Variants in GRIA1 observed in about 807,000 individuals in gnomAD.
GRIA1 encodes glutamate receptor 1.
GRIA1 carries 31 observed loss-of-function variants against 99.2 expected under a neutral mutation model. That is an observed-to-expected ratio of 0.31 (90% CI 0.23 to 0.42). The LOEUF (loss-of-function observed/expected upper bound fraction) is 0.42, where lower values mean the gene tolerates loss of function less well. Ranked by LOEUF, GRIA1 falls within the 10% of genes least tolerant of loss-of-function variation. The pLI is 1.00. For missense variants in GRIA1, 782 were observed against 1,157.5 expected (o/e 0.68, Z 4.71); for synonymous variants, 438 against 432.4 (o/e 1.01, Z -0.16).
chr5:153,687,676 G>T (rs1467299170), intron 8 of GRIA1, among the ~76,000 whole-genome samples: 2 of 152,216 alleles, frequency 1.3e-5, no homozygotes, highest in Admixed American at 1.3e-4. Flanking sequence ...CAGCACAGAT[G>T]TAGAACATTT....
intron 2 of GRIA1, among the ~76,000 whole-genome samples, chr5:153,615,308 C>G (rs1766386532): frequency 6.6e-6 from 1 of 152,166 alleles, no homozygotes; most frequent in Admixed American, 6.5e-5. Flanking sequence ...TCATGGAGAG[C>G]TCATAATCCA....
At chr5:153,570,168 G>A (rs1008980707) in intron 2 of GRIA1, among the ~76,000 whole-genome samples, 2 of 152,056 alleles carry the variant, frequency 1.3e-5, no homozygotes, top group Non-Finnish European at 2.9e-5. Flanking sequence ...TGCCAAAACC[G>A]AGAGCAATAT....
At chr5:153,699,935 A>G (rs1758396122) in intron 10 of GRIA1, among the ~76,000 whole-genome samples, 1 of 152,222 alleles carries the variant, frequency 6.6e-6, no homozygotes, top group Admixed American at 6.5e-5. Flanking sequence ...AAAAGACCCC[A>G]TCTTTTAACA....
chr5:153,703,694 C>T (rs1423544305), intron 10 of GRIA1, among the ~76,000 whole-genome samples: 3 of 152,182 alleles, frequency 2.0e-5, no homozygotes, highest in East Asian at 1.9e-4. Context: ...GCCAAGATCA[C>T]ACCACTGCAC....
intron 4 of GRIA1, 56 bp downstream of exon 4, chr5:153,650,570 A>G: frequency 1.3e-6 from 2 of 1,543,604 alleles, no homozygotes; most frequent in Non-Finnish European, 1.8e-6. Context: ...AGGAATAGCC[A>G]GACACACTTT....
At chr5:153,750,074 G>T (rs1762412212) in intron 11 of GRIA1, among the ~76,000 whole-genome samples, 1 of 152,156 alleles carries the variant, frequency 6.6e-6, no homozygotes, top group South Asian at 2.1e-4. Flanking sequence ...CTCTGCCAGG[G>T]AAGAGCTGAG....
chr5:153,585,499 G>A (rs534202165), intron 2 of GRIA1, among the ~76,000 whole-genome samples: 1 of 151,844 alleles, frequency 6.6e-6, no homozygotes, highest in South Asian at 2.1e-4. Context: ...AGTAGAGACA[G>A]GGTTTCACCA....
intron 2 of GRIA1, among the ~76,000 whole-genome samples, chr5:153,553,957 G>A (rs1282112171): frequency 6.6e-6 from 1 of 152,098 alleles, no homozygotes; most frequent in Admixed American, 6.5e-5. Flanking sequence ...GTAATAAATG[G>A]GGTGCAGATT....
At chr5:153,512,502 TACA>T (rs1465980149) in intron 2 of GRIA1, among the ~76,000 whole-genome samples, 1 of 152,112 alleles carries the variant, frequency 6.6e-6, no homozygotes, top group Non-Finnish European at 1.5e-5. Flanking sequence ...GACAAGTGAG[TACA>T]ACATTTGGTC....
At position 153,600,391 on chromosome 5, in the gene GRIA1, CAAAAAAAAAAA is replaced by C. The variant is rs57395601; in HGVS notation, c.221-46522_221-46512del. Reference sequence around the variant, plus strand: ...TGGGCGACAGAGCGAGACTCCATCTCAAAAAAAAAAAAAAAAAAAAAAAAAGTATGGAGTTT... The same window carrying C: ...TGGGCGACAGAGCGAGACTCCATCTCAAAAAAAAAAAAAAGTATGGAGTTT... On this transcript the variant is annotated intron_variant, in intron 2 of 15. Transcript: ENST00000285900. Among the ~76,000 whole-genome samples, 17 of 51,504 alleles carry C rather than the reference CAAAAAAAAAAA, an allele frequency of 3.3e-4. 1 individual carries two copies. The South Asian group carries it at 0.012, about 36-fold the overall frequency. The allele number at this position is 51,504 out of a possible 152,430, so 33.8% of individuals were successfully genotyped here. A position where few individuals can be genotyped will look rare whatever the true frequency, so the allele number is the denominator to read the frequency against.
At chr5:153,721,831 G>A (rs1163547412) in intron 11 of GRIA1, among the ~76,000 whole-genome samples, 1 of 152,160 alleles carries the variant, frequency 6.6e-6, no homozygotes, top group African/African-American at 2.4e-5. Flanking sequence ...GAAGATTCTT[G>A]TAAAAGTCTT....
intron 2 of GRIA1, among the ~76,000 whole-genome samples, chr5:153,500,241 C>A (rs1263552137): frequency 6.6e-6 from 1 of 152,168 alleles, no homozygotes; most frequent in Non-Finnish European, 1.5e-5. Context: ...GATCATATAG[C>A]ACATTTGGAA....
chr5:153,554,100 G>A (rs544809616), intron 2 of GRIA1, among the ~76,000 whole-genome samples: 2 of 152,326 alleles, frequency 1.3e-5, no homozygotes, highest in East Asian at 3.9e-4. Flanking sequence ...AACTCTGTGA[G>A]CTTCTTTGAT....
chr5:153,659,094 A>T (rs190851534), intron 5 of GRIA1, among the ~76,000 whole-genome samples: 1 of 152,136 alleles, frequency 6.6e-6, no homozygotes, highest in African/African-American at 2.4e-5. Flanking sequence ...CTGTCAATTG[A>T]GAACAATAAT....
intron 13 of GRIA1, among the ~76,000 whole-genome samples, chr5:153,793,989 C>T (rs920699656): frequency 1.3e-5 from 2 of 152,234 alleles, no homozygotes; most frequent in African/African-American, 4.8e-5. Context: ...CTGTTTTCCT[C>T]TGTCCTGAAA....
intron 13 of GRIA1, among the ~76,000 whole-genome samples, chr5:153,787,150 G>A (rs1765016294): frequency 6.6e-6 from 1 of 152,150 alleles, no homozygotes; most frequent in Non-Finnish European, 1.5e-5. Flanking sequence ...TTCCCTGCAA[G>A]TATATGATAA....
chr5:153,492,646 T>A (rs1412389442), intron 1 of GRIA1, among the ~76,000 whole-genome samples: 1 of 152,208 alleles, frequency 6.6e-6, no homozygotes, highest in African/African-American at 2.4e-5. Flanking sequence ...GTCTAGTATA[T>A]TTGTGTATAT....
At chr5:153,581,905 A>T (rs1763079137) in intron 2 of GRIA1, among the ~76,000 whole-genome samples, 1 of 151,848 alleles carries the variant, frequency 6.6e-6, no homozygotes, top group Admixed American at 6.6e-5. Flanking sequence ...CTACAGGCAC[A>T]TGTCACCACG....
chr5:153,553,578 C>T, intron 2 of GRIA1, among the ~76,000 whole-genome samples: 1 of 152,098 alleles, frequency 6.6e-6, no homozygotes, highest in Non-Finnish European at 1.5e-5. Context: ...GCACAGTGGC[C>T]TGTTAGTGCT....
Sources: gnomAD v4.1 joint callset for allele counts (sites outside exome capture counted in the v4.1 genomes callset) on GRCh38, gnomAD v4.1.1 for gene constraint, MANE v1.5 for transcripts, NCBI Gene and HGNC (gene_info 2026-07-23, HGNC 2026-07-21) for gene names.